SVIL: variants seen among roughly 807,000 people sequenced by gnomAD.
SVIL encodes archvillin.
Under a neutral mutation model 240.4 loss-of-function variants are expected in SVIL, and 101 were observed. The observed-to-expected ratio is 0.42, with a 90% CI of 0.36 to 0.50. The LOEUF (loss-of-function observed/expected upper bound fraction) is 0.50, where lower values mean the gene tolerates loss of function less well. SVIL is among the 20% of genes least tolerant of loss of function. The pLI is 0.01. For synonymous variants in SVIL, 999 were observed against 1,100.0 expected (o/e 0.91, Z 1.82); for missense variants, 2,512 against 2,818.7 (o/e 0.89, Z 2.46).
At chr10:29,509,452 T>C (rs780819521) in intron 17 of SVIL, among the ~76,000 whole-genome samples, 23 of 151,674 alleles carry the variant, frequency 1.5e-4, no homozygotes, top group Non-Finnish European at 2.5e-4. Flanking sequence ...AAGCTCTTGA[T>C]CATCAATCCT....
chr10:29,563,856 A>C (rs1224160736), intron 2 of SVIL, among the ~76,000 whole-genome samples: 1 of 149,142 alleles, frequency 6.7e-6, no homozygotes, highest in Non-Finnish European at 1.5e-5. Flanking sequence ...CTTACTGTGG[A>C]CTTTCCCCCA....
chr10:29,503,383 A>G (rs1246493687), intron 17 of SVIL, among the ~76,000 whole-genome samples: 1 of 152,260 alleles, frequency 6.6e-6, no homozygotes, highest in Non-Finnish European at 1.5e-5. Flanking sequence ...TTTCTGGTAC[A>G]GCCCTGAGGC....
rs536309106 is a variant in SVIL, at chr10:29,471,914, G to T, written c.5530-671C>A. ...ATTTTGCATAACCAATTGCCATTTT[G>T]TGGCAGTATTTCATATCTAAAATGA... On this transcript the variant is annotated intron_variant, in intron 30 of 37. Transcript: ENST00000355867. Among the ~76,000 whole-genome samples the T allele has an allele frequency of 4.6e-5, 7 of 152,306 alleles. No individual in the cohort carries two copies. In the South Asian group the frequency reaches 8.3e-4, roughly 18 times the overall value.
At chr10:29,634,222 A>G (rs1285223851) in intron 1 of SVIL, among the ~76,000 whole-genome samples, 198 bp downstream of exon 1, 1 of 152,106 alleles carries the variant, frequency 6.6e-6, no homozygotes, top group Non-Finnish European at 1.5e-5. Context: ...AATCCTTCTC[A>G]ACCCAAGAAA....
chr10:29,486,674 G>C, intron 24 of SVIL, 117 bp from the exon 25 acceptor site: 3 of 1,153,996 alleles, frequency 2.6e-6, no homozygotes, highest in Non-Finnish European at 3.7e-6. Context: ...TTGTGACCAC[G>C]GGTGTGGGTG....
chr10:29,486,674 G>A lies in SVIL; in HGVS notation c.4486-117C>T, dbSNP rs1237001884. The A allele has an allele frequency of 2.9e-5, 34 of 1,153,992 alleles. No individual in the cohort carries two copies. The East Asian group carries it at 3.7e-4, about 13-fold the overall frequency. The allele number at this position is 1,153,992 out of a possible 1,614,324, so 71.5% of individuals were successfully genotyped here. On this transcript the variant is annotated intron_variant, in intron 24 of 37. Coordinates refer to ENST00000355867, the MANE Select transcript of SVIL (RefSeq NM_021738.3). The stretch of plus-strand genomic sequence containing the variant: ...CCTGCAAGGAAAGCCTTGTGACCAC[G>A]GGTGTGGGTGGATGCTGGTTACTGG...
intron 1 of SVIL, among the ~76,000 whole-genome samples, chr10:29,592,555 G>A (rs888621432): frequency 3.3e-5 from 5 of 152,192 alleles, no homozygotes; most frequent in African/African-American, 1.2e-4. Context: ...CTCCGTAATG[G>A]AGGTTTCAAT....
At chr10:29,493,759 G>A (rs1948182805) in intron 20 of SVIL, among the ~76,000 whole-genome samples, 1 of 152,182 alleles carries the variant, frequency 6.6e-6, no homozygotes, top group Non-Finnish European at 1.5e-5. Flanking sequence ...AACATTTTAG[G>A]CTTTGCATGG....
chr10:29,722,598 AT>A (rs1964057429), intron 1 of SVIL, among the ~76,000 whole-genome samples: 1 of 152,202 alleles, frequency 6.6e-6, no homozygotes, highest in Non-Finnish European at 1.5e-5. Flanking sequence ...AGTTGTGCAC[AT>A]TTAAAAATAA....
chr10:29,726,849 G>A (rs1021123972), intron 1 of SVIL, among the ~76,000 whole-genome samples: 1 of 152,186 alleles, frequency 6.6e-6, no homozygotes, highest in African/African-American at 2.4e-5. Context: ...GATGCTACCA[G>A]TGGCAGCACC....
At chr10:29,699,615 A>G (rs1354762599) in intron 1 of SVIL, among the ~76,000 whole-genome samples, 1 of 152,180 alleles carries the variant, frequency 6.6e-6, no homozygotes, top group African/African-American at 2.4e-5. Flanking sequence ...AAGTTGCTCT[A>G]TTTTTAAAGA....
chr10:29,539,123 C>G (rs907841090), intron 6 of SVIL, among the ~76,000 whole-genome samples: 1 of 152,010 alleles, frequency 6.6e-6, no homozygotes, highest in Non-Finnish European at 1.5e-5. Context: ...TATGATTGCA[C>G]CACTGCACTC....
intron 17 of SVIL, among the ~76,000 whole-genome samples, chr10:29,501,715 G>T (rs1483926881): frequency 6.6e-6 from 1 of 152,076 alleles, no homozygotes; most frequent in Non-Finnish European, 1.5e-5. Flanking sequence ...TCACTTGCCC[G>T]AAAGACCTCA....
intron 16 of SVIL, among the ~76,000 whole-genome samples, chr10:29,520,038 C>A (rs1265959387): frequency 6.6e-6 from 1 of 152,104 alleles, no homozygotes; most frequent in Non-Finnish European, 1.5e-5. Context: ...AAATACAGGT[C>A]AACTAAAATT....
At chr10:29,660,404 G>A (rs1339417724) in intron 2 of SVIL, among the ~76,000 whole-genome samples, 1 of 152,144 alleles carries the variant, frequency 6.6e-6, no homozygotes, top group Non-Finnish European at 1.5e-5. Flanking sequence ...TTGAGCCCAG[G>A]AATTTGAGAC....
chr10:29,592,070 G>C (rs987977176), intron 1 of SVIL, among the ~76,000 whole-genome samples: 1 of 152,154 alleles, frequency 6.6e-6, no homozygotes, highest in African/African-American at 2.4e-5. Flanking sequence ...GGCCAACATA[G>C]GAAAACCACA....
chr10:29,522,379 G>T lies in SVIL; in HGVS notation c.3389+31C>A, dbSNP rs1409696282. On this transcript the variant is annotated intron_variant, in intron 16 of 37. Coordinates refer to ENST00000355867, the MANE Select transcript of SVIL (RefSeq NM_021738.3). ...GCAAGCTGTAAGCTCCTCCCCGAGA[G>T]AATTACTTTTCGCTCACCGAATCTC... 7 of 1,609,186 alleles carry T rather than the reference G, an allele frequency of 4.4e-6. No homozygotes were observed. In the South Asian group the frequency reaches 4.4e-5, roughly 10 times the overall value.
chr10:29,490,685 T>C (rs191684266), intron 22 of SVIL, among the ~76,000 whole-genome samples, 162 bp downstream of exon 22: 2 of 152,286 alleles, frequency 1.3e-5, no homozygotes, highest in East Asian at 1.9e-4. Flanking sequence ...CTTTAAAGTC[T>C]AGGTGCGTGC....
intron 1 of SVIL, among the ~76,000 whole-genome samples, chr10:29,730,746 G>A (rs1964571842): frequency 6.6e-6 from 1 of 152,152 alleles, no homozygotes; most frequent in Non-Finnish European, 1.5e-5. Context: ...CTAAGATTTC[G>A]AGGAGATTTG....
Sources: gnomAD v4.1 joint callset for allele counts (sites outside exome capture counted in the v4.1 genomes callset) on GRCh38, gnomAD v4.1.1 for gene constraint, MANE v1.5 for transcripts, NCBI Gene and HGNC (gene_info 2026-07-23, HGNC 2026-07-21) for gene names.